The following SLC23A2 variants were observed in gnomAD, a reference collection of about 807,000 sequenced individuals.
The protein encoded by SLC23A2 is solute carrier family 23 member 2.
Under a neutral mutation model 73.3 loss-of-function variants are expected in SLC23A2, and 36 were observed. The ratio of observed to expected loss-of-function variants is 0.49; its 90% CI spans 0.38 to 0.65. The LOEUF is 0.65. Ranked by LOEUF, SLC23A2 falls within the 30% of genes least tolerant of loss-of-function variation. The pLI is 0.00. For synonymous variants in SLC23A2, 343 were observed against 327.3 expected, an observed-to-expected ratio of 1.05 and a Z score of -0.52; for missense variants, 507 against 841.6, an observed-to-expected ratio of 0.60 and a Z score of 4.92.
At chr20:4,978,589 C>T (rs548199337) in intron 1 of SLC23A2, among the ~76,000 whole-genome samples, 18 of 152,276 alleles carry the variant, frequency 1.2e-4, no homozygotes, top group Non-Finnish European at 2.2e-4. Context: ...CCCCCATTGG[C>T]AATGGAAGAC....
Position 4,856,986 on chromosome 20 carries a change from G to T in SLC23A2, c.1939C>A (p.Gln647Lys), listed in dbSNP as rs776326380. 1 of 1,612,908 alleles carries T rather than the reference G, an allele frequency of 6.2e-7. No homozygotes were observed. Among genetic ancestry groups the T allele is most frequent in the Admixed American group, 1.7e-5 (1 of 60,026 alleles). Reference protein sequence around the residue: ...DNSRSSDEDSQATG With the variant: ...DNSRSSDEDSKATG Reference sequence around the variant, plus strand: ...CACAGCAAAGGCTATCCCGTGGCCTGGGAGTCTTCATCTGAACTCCGGCTG... The same window carrying T: ...CACAGCAAAGGCTATCCCGTGGCCTTGGAGTCTTCATCTGAACTCCGGCTG... Residue 647 changes from glutamine to lysine, a missense_variant, in exon 17 of 17, where the codon CAG becomes AAG. By Grantham distance (53) the Gln-to-Lys change is moderately conservative (BLOSUM62 1). Transcript: ENST00000338244. This position sits in a 1 kb window ranked among gnomAD's most constrained non-coding sequence, Gnocchi z 4.6.
intron 2 of SLC23A2, among the ~76,000 whole-genome samples, chr20:4,942,788 C>T (rs189068093): frequency 1.2e-4 from 18 of 152,248 alleles, no homozygotes; most frequent in Admixed American, 2.6e-4. Flanking sequence ...CTGTGTTTCT[C>T]GAAAGAACCA....
chr20:4,886,341 A>AT (rs1931095519), intron 6 of SLC23A2, among the ~76,000 whole-genome samples: 1 of 152,170 alleles, frequency 6.6e-6, no homozygotes, highest in African/African-American at 2.4e-5. Flanking sequence ...ACAGGAACAA[A>AT]TTTCCCTCCG....
chr20:4,889,847 A>G (rs1247911131), intron 6 of SLC23A2, among the ~76,000 whole-genome samples: 1 of 152,182 alleles, frequency 6.6e-6, no homozygotes, highest in Non-Finnish European at 1.5e-5. Context: ...GACTTCTATT[A>G]AACTAAAAAT....
intron 1 of SLC23A2, among the ~76,000 whole-genome samples, chr20:4,975,978 C>T (rs1466224770): frequency 2.6e-5 from 4 of 151,584 alleles, no homozygotes; most frequent in Non-Finnish European, 5.9e-5. Flanking sequence ...CTCAGCCTCC[C>T]GAGTAGCTGG....
intron 2 of SLC23A2, among the ~76,000 whole-genome samples, chr20:4,961,050 C>T (rs2087373878): frequency 6.6e-6 from 1 of 152,032 alleles, no homozygotes. Flanking sequence ...GCTTATTCTC[C>T]CTGCCTGGCC....
chr20:4,863,415 A>G lies in SLC23A2; in HGVS notation c.1357-508T>C, dbSNP rs1488628674. On this transcript the variant is annotated intron_variant, in intron 13 of 16. Coordinates refer to ENST00000338244, the MANE Select transcript of SLC23A2 (RefSeq NM_005116.6). The surrounding 1 kb of genome is among the most constrained non-coding windows in gnomAD (Gnocchi z 4.8). ...TGACTGCGGGCTCTTCTCCTGGCCC[A>G]CGTCTGACTGTATGGTCGGGCCGAC... Among the ~76,000 whole-genome samples the G allele has an allele frequency of 6.6e-6, 1 of 152,214 alleles. No individual in the cohort carries two copies. Among genetic ancestry groups the G allele is most frequent in the East Asian group, 1.9e-4 (1 of 5,200 alleles).
At chr20:4,957,386 T>C (rs936515407) in intron 2 of SLC23A2, among the ~76,000 whole-genome samples, 2 of 151,090 alleles carry the variant, frequency 1.3e-5, no homozygotes, top group African/African-American at 4.9e-5. Context: ...GGGTTGAACC[T>C]AGGAGTTCAA....
In SLC23A2 at chr20:4,947,276, G is replaced by A. The variant is rs916694635; in HGVS notation, c.-154-14560C>T. On this transcript the variant is annotated intron_variant, in intron 2 of 16. Coordinates refer to ENST00000338244, the MANE Select transcript of SLC23A2 (RefSeq NM_005116.6). This position sits in a 1 kb window ranked among gnomAD's most constrained non-coding sequence, Gnocchi z 4.4. ...TCGTTCAGGGAAATCTTGTGGCTGG[G>A]ACGTGAAAGGGGAAAGGGAGGGGCA... Among the ~76,000 whole-genome samples, 13 of 152,194 alleles carry A rather than the reference G, an allele frequency of 8.5e-5. No individual in the cohort carries two copies. Among genetic ancestry groups the A allele is most frequent in the African/African-American group, 3.1e-4 (13 of 41,452 alleles).
intron 2 of SLC23A2, among the ~76,000 whole-genome samples, chr20:4,949,038 C>T (rs1291530674): frequency 1.3e-5 from 2 of 152,166 alleles, no homozygotes; most frequent in African/African-American, 2.4e-5. Context: ...GTAACCCCTG[C>T]ACTTTGGGAG....
At position 4,856,865 on chromosome 20, in the gene SLC23A2, G is replaced by C; in HGVS notation, c.*107C>G. On this transcript the variant is annotated 3_prime_UTR_variant, in exon 17 of 17. Coordinates refer to ENST00000338244, the MANE Select transcript of SLC23A2 (RefSeq NM_005116.6). This position sits in a 1 kb window ranked among gnomAD's most constrained non-coding sequence, Gnocchi z 4.6. ...TCGCAGTCTGTCTTAGCTCTGGGGC[G>C]CAGAATGTAAATGTAGATATACAAA... 1.4e-6 allele frequency: 1 copy of C among 734,742 alleles called. No individual in the cohort carries two copies. The highest frequency in any genetic ancestry group is 2.3e-6 in the Non-Finnish European group (1 of 429,958). 45.5% of individuals were successfully genotyped at this position (734,742 alleles called of 1,614,324 possible). A position where few individuals can be genotyped will look rare whatever the true frequency, so the allele number is the denominator to read the frequency against.
At chr20:4,866,964 T>A (rs1393301866) in intron 13 of SLC23A2, among the ~76,000 whole-genome samples, 1 of 147,994 alleles carries the variant, frequency 6.8e-6, no homozygotes, top group Non-Finnish European at 1.5e-5. Flanking sequence ...TCTCTTAATT[T>A]AAAACTAGTG....
rs1030348350 is a variant in SLC23A2, at chr20:4,868,211, T to C, written c.1251-336A>G. On this transcript the variant is annotated intron_variant, in intron 12 of 16. Coordinates refer to ENST00000338244, the MANE Select transcript of SLC23A2 (RefSeq NM_005116.6). The surrounding 1 kb of genome is among the most constrained non-coding windows in gnomAD (Gnocchi z 4.4). ...TCTCCTGCCTCCCGAGTAGCTGGGA[T>C]TACAGGTTTGCACCACCATGCCTGG... 1.3e-5 allele frequency among the ~76,000 whole-genome samples: 2 copies of C among 151,862 alleles called. No homozygotes were observed. The highest frequency in any genetic ancestry group is 4.2e-4 in the South Asian group (2 of 4,810).
intron 5 of SLC23A2, among the ~76,000 whole-genome samples, chr20:4,900,729 TC>T (rs1229837292): frequency 2.0e-5 from 3 of 152,194 alleles, no homozygotes; most frequent in Admixed American, 2.0e-4. Context: ...CATCCCACTT[TC>T]CTTTGGGAGT....
At chr20:5,003,273 A>G (rs940751111), upstream of SLC23A2, among the ~76,000 whole-genome samples, 3 of 151,666 alleles carry the variant, frequency 2.0e-5, no homozygotes, top group Non-Finnish European at 2.9e-5. Flanking sequence ...AGTCCCAGCT[A>G]CTCGGGAGGC....
In SLC23A2 at chr20:4,894,916, T is replaced by A. The variant is rs180802688; in HGVS notation, c.482+4639A>T. ...GCCCATGTGAAATGAGGGGGACGAC[T>A]TGACCACAGCACCTTGTTCCTTCCT... On this transcript the variant is annotated intron_variant, in intron 6 of 16. Coordinates refer to ENST00000338244, the MANE Select transcript of SLC23A2 (RefSeq NM_005116.6). Among the ~76,000 whole-genome samples, 148 of 152,358 alleles carry A rather than the reference T, an allele frequency of 9.7e-4. 2 individuals are homozygous for A. In the East Asian group the frequency reaches 0.023, roughly 23 times the overall value.
intron 1 of SLC23A2, among the ~76,000 whole-genome samples, chr20:4,989,169 G>A (rs1301155490): frequency 6.6e-6 from 1 of 150,944 alleles, no homozygotes; most frequent in Admixed American, 6.6e-5. Context: ...AACCTGGGAG[G>A]CAGAGCTTGC....
chr20:4,864,595 C>T (rs1442530070), intron 13 of SLC23A2, among the ~76,000 whole-genome samples: 3 of 152,208 alleles, frequency 2.0e-5, no homozygotes, highest in Non-Finnish European at 4.4e-5. Context: ...CAAACATTTT[C>T]GAGGAACTAT....
At chr20:4,981,991 G>A (rs910513834) in intron 1 of SLC23A2, among the ~76,000 whole-genome samples, 9 of 150,106 alleles carry the variant, frequency 6.0e-5, no homozygotes, top group African/African-American at 2.5e-5. Flanking sequence ...ATGAGCCACC[G>A]TGCCCAGCCT....
Sources: gnomAD v4.1 joint callset for allele counts (sites outside exome capture counted in the v4.1 genomes callset) on GRCh38, gnomAD v4.1.1 for gene constraint, Gnocchi (gnomAD v3.1) non-coding constraint, MANE v1.5 for transcripts, NCBI Gene and HGNC (gene_info 2026-07-23, HGNC 2026-07-21) for gene names.